SNX31: variants seen among roughly 807,000 people sequenced by gnomAD.
The protein encoded by SNX31 is sorting nexin 31, also known as sorting nexin-31.
A neutral mutation model predicts 65.4 loss-of-function variants in SNX31; 58 were observed. The ratio of observed to expected loss-of-function variants is 0.89; its 90% confidence interval spans 0.72 to 1.10. The LOEUF (loss-of-function observed/expected upper bound fraction) is 1.10, where lower values mean the gene tolerates loss of function less well. SNX31 is among the 50% of genes least tolerant of loss of function. The probability of loss-of-function intolerance (pLI) is 0.00; values close to 1 mark genes in which losing one functional copy is unlikely to be tolerated. For synonymous variants in SNX31, 181 were observed against 190.1 expected, an observed-to-expected ratio of 0.95 and a Z score of 0.39; for missense variants, 523 against 529.7, an observed-to-expected ratio of 0.99 and a Z score of 0.12.
intron 9 of SNX31, among the ~76,000 whole-genome samples, chr8:100,598,406 A>G (rs182227082): frequency 7.2e-5 from 11 of 152,344 alleles, no homozygotes; most frequent in Admixed American, 5.2e-4. Context: ...GTATAAATTT[A>G]TAATTGTTTA....
rs1818013258 is a variant in SNX31 at position 100,625,921 on chromosome 8, T to G, written c.321+4406A>C. On this transcript the variant is annotated intron_variant, in intron 4 of 13. Transcript: ENST00000311812. The surrounding 1 kb of genome is among the most constrained non-coding windows in gnomAD (Gnocchi z 4.2). ...AAAGAAAAGGGACTGGCATTAAGAT[T>G]TTGCTTTTTAAAACCTATATCTTGG... is the stretch of plus-strand genomic sequence containing the variant. 6.6e-6 allele frequency among the ~76,000 whole-genome samples: 1 copy of G among 152,090 alleles called. No homozygotes were observed. Among genetic ancestry groups the G allele is most frequent in the Admixed American group, 6.6e-5 (1 of 15,266 alleles).
At position 100,617,727 on chromosome 8, in the gene SNX31, T is replaced by G. The variant is rs1423972664; in HGVS notation, c.325A>C (p.Thr109Pro). ...GCTTTCTTGGTGGCGATGTCAAATG[T>G]ATTCTATAAGCAAAAGAAAAGCAAA... ...VEFLKLAQLN[T>P]FDIATKKAYL... Residue 109 changes from threonine to proline, a missense_variant, in exon 5 of 14, where the codon ACA becomes CCA. By Grantham distance (38) the Thr-to-Pro change is conservative. Transcript: ENST00000311812. 1.2e-6 allele frequency: 2 copies of G among 1,607,828 alleles called. No homozygotes were observed. The highest frequency in any genetic ancestry group is 1.7e-6 in the Non-Finnish European group (2 of 1,177,624).
At chr8:100,657,339 C>G (rs901245222) in intron 1 of SNX31, among the ~76,000 whole-genome samples, 4 of 151,850 alleles carry the variant, frequency 2.6e-5, no homozygotes, top group Non-Finnish European at 5.9e-5. Flanking sequence ...GTAATCCCAG[C>G]TACTCAGGAG....
At position 100,622,579 on chromosome 8, in the gene SNX31, AG is replaced by A. The variant is rs1202460030; in HGVS notation, c.322-4850del. On this transcript the variant is annotated intron_variant, in intron 4 of 13. Transcript: ENST00000311812. The surrounding 1 kb of genome is among the most constrained non-coding windows in gnomAD (Gnocchi z 5.0). ...GGCAGGAGAATCACTTGAACCCAGG[AG>A]GCGGAGGTTGCAGTGAACTGAGATT... is the stretch of plus-strand genomic sequence containing the variant. Among the ~76,000 whole-genome samples, 2 of 152,246 alleles carry A rather than the reference AG, an allele frequency of 1.3e-5. No individual in the cohort carries two copies. Among genetic ancestry groups the A allele is most frequent in the East Asian group, 3.9e-4 (2 of 5,186 alleles).
chr8:100,632,846 C>T (rs929539067), intron 3 of SNX31, among the ~76,000 whole-genome samples: 1 of 152,090 alleles, frequency 6.6e-6, no homozygotes, highest in African/African-American at 2.4e-5. Flanking sequence ...ATCCTCTTGC[C>T]TCAGCTTCCC....
intron 10 of SNX31, 63 bp from the exon 11 acceptor site, chr8:100,589,042 G>A: frequency 7.5e-7 from 1 of 1,329,024 alleles, no homozygotes; most frequent in Non-Finnish European, 1.1e-6. Flanking sequence ...GCCGGGCACG[G>A]TGGCTCACAC....
intron 2 of SNX31, among the ~76,000 whole-genome samples, chr8:100,637,111 C>A (rs1449767342): frequency 1.3e-5 from 2 of 152,320 alleles, no homozygotes; most frequent in Middle Eastern, 3.4e-3. Context: ...ACCAGCCAGG[C>A]CCTTCTCTCC....
chr8:100,630,282 G>A lies in SNX31; in HGVS notation c.321+45C>T, dbSNP rs1335178255. On this transcript the variant is annotated intron_variant, in intron 4 of 13. Transcript: ENST00000311812. The surrounding 1 kb of genome is among the most constrained non-coding windows in gnomAD (Gnocchi z 5.3). ...CCTGCACACTTGGTTCATGAAGAGT[G>A]TCCTGCAGAGGAATGATGGCCCCAT... 6.3e-7 allele frequency: 1 copy of A among 1,581,410 alleles called. No homozygotes were observed. The highest frequency in any genetic ancestry group is 2.2e-5 in the East Asian group (1 of 44,664).
chr8:100,602,047 G>A (rs1021734809), intron 8 of SNX31, among the ~76,000 whole-genome samples: 9 of 152,180 alleles, frequency 5.9e-5, no homozygotes, highest in Admixed American at 6.5e-5. Context: ...TTGTCATGAC[G>A]GGGCAGAATT....
chr8:100,577,295 A>G (rs1017750428), intron 12 of SNX31, among the ~76,000 whole-genome samples: 24 of 152,268 alleles, frequency 1.6e-4, no homozygotes, highest in Non-Finnish European at 3.2e-4. Flanking sequence ...GTAAAACTTA[A>G]TGTTTCACAT....
In SNX31 at chr8:100,648,388, C is replaced by G. The variant is rs1339086560; in HGVS notation, c.141+886G>C. On this transcript the variant is annotated intron_variant, in intron 2 of 13. Coordinates refer to ENST00000311812, the MANE Select transcript of SNX31 (RefSeq NM_152628.4). The surrounding 1 kb of genome is among the most constrained non-coding windows in gnomAD (Gnocchi z 4.3). ...ATGTTGCCCAGGCTGGTCTCAAACTCTGGGACTCAAGTAATCCTCCTGCCT... is the reference window on the plus strand; with the variant it reads ...ATGTTGCCCAGGCTGGTCTCAAACTGTGGGACTCAAGTAATCCTCCTGCCT... Among the ~76,000 whole-genome samples the G allele has an allele frequency of 6.9e-6, 1 of 145,240 alleles. No individual in the cohort carries two copies. The highest frequency in any genetic ancestry group is 1.5e-5 in the Non-Finnish European group (1 of 67,124).
At chr8:100,619,427 G>T (rs539876439) in intron 4 of SNX31, among the ~76,000 whole-genome samples, 1 of 152,338 alleles carries the variant, frequency 6.6e-6, no homozygotes, top group South Asian at 2.1e-4. Flanking sequence ...TAAGCATCCT[G>T]CAAGGGGAAG....
At chr8:100,650,853 T>TG (rs1248941011), upstream of SNX31, among the ~76,000 whole-genome samples, 2 of 148,640 alleles carry the variant, frequency 1.3e-5, no homozygotes, top group African/African-American at 4.9e-5. Flanking sequence ...TTTTTTTGTT[T>TG]TTTTTTTTTT....
At chr8:100,654,342 G>C (rs1820023944), upstream of SNX31, among the ~76,000 whole-genome samples, 1 of 152,130 alleles carries the variant, frequency 6.6e-6, no homozygotes, top group South Asian at 2.1e-4. Context: ...TTTTATAGGA[G>C]ACGAAACTGA....
intron 8 of SNX31, among the ~76,000 whole-genome samples, chr8:100,606,836 A>G (rs1816210487): frequency 6.6e-6 from 1 of 152,230 alleles, no homozygotes; most frequent in Non-Finnish European, 1.5e-5. Context: ...GAAAGTGTGG[A>G]TGGTACCAAC....
At chr8:100,652,389 C>T (rs1819990897), upstream of SNX31, among the ~76,000 whole-genome samples, 1 of 152,162 alleles carries the variant, frequency 6.6e-6, no homozygotes, top group Admixed American at 6.5e-5. Flanking sequence ...GTGCCTGGTG[C>T]ATGGTCAGCA....
intron 5 of SNX31, among the ~76,000 whole-genome samples, chr8:100,616,054 G>A (rs1393067443): frequency 5.9e-5 from 9 of 152,138 alleles, no homozygotes; most frequent in Admixed American, 4.6e-4. Flanking sequence ...GATTACAGGC[G>A]TGAGCCACAG....
In SNX31 at chr8:100,660,369, C is replaced by T. The variant is rs1021058573; in HGVS notation, c.-58+2773G>A. On this transcript the variant is annotated intron_variant, in intron 1 of 5. Transcript: ENST00000520352. The surrounding 1 kb of genome is among the most constrained non-coding windows in gnomAD (Gnocchi z 4.1). The stretch of plus-strand genomic sequence containing the variant: ...AGAAATTGAATCCAGGCTCTCTAAG[C>T]CTAAACTCTTTGCAGCAATTTTTAT... Among the ~76,000 whole-genome samples, 8 of 152,314 alleles carry T rather than the reference C, an allele frequency of 5.3e-5. No individual in the cohort carries two copies. The highest frequency in any genetic ancestry group is 1.9e-4 in the African/African-American group (8 of 41,572).
intron 8 of SNX31, 47 bp from the exon 9 acceptor site, chr8:100,600,488 A>T: frequency 6.6e-7 from 1 of 1,503,970 alleles, no homozygotes; most frequent in Non-Finnish European, 9.2e-7. Flanking sequence ...GCAGAAATTA[A>T]TCAATCTGAC....
Sources: gnomAD v4.1 joint callset for allele counts (sites outside exome capture counted in the v4.1 genomes callset) on GRCh38, gnomAD v4.1.1 for gene constraint, Gnocchi (gnomAD v3.1) non-coding constraint, MANE v1.5 for transcripts, NCBI Gene and HGNC (gene_info 2026-07-23, HGNC 2026-07-21) for gene names.